The following ADCY9 variants were observed in gnomAD, a reference collection of about 807,000 sequenced individuals.
ADCY9 encodes the protein adenylate cyclase type 9.
Under a neutral mutation model 101.5 loss-of-function variants are expected in ADCY9, and 50 were observed. The observed-to-expected ratio is 0.49, with a 90% CI of 0.39 to 0.62. The LOEUF is 0.62. Ranked by LOEUF, ADCY9 falls within the 20% of genes least tolerant of loss-of-function variation. ADCY9 has a pLI of 0.00. For missense variants in ADCY9, 1,662 were observed against 1,800.4 expected (o/e 0.92, Z 1.39); for synonymous variants, 905 against 769.3 (o/e 1.18, Z -2.92).
rs535987186 is a variant in ADCY9, at chr16:4,044,454, T to C, written c.1694-36896A>G. Reference sequence around the variant, plus strand: ...GACGGAGCCATTTTCTTCCAGGCTATTTACCAAACACAGCAAAGGAAATCA... The same window carrying C: ...GACGGAGCCATTTTCTTCCAGGCTACTTACCAAACACAGCAAAGGAAATCA... On this transcript the variant is annotated intron_variant, in intron 2 of 10. Transcript: ENST00000294016. 2.6e-5 allele frequency among the ~76,000 whole-genome samples: 4 copies of C among 152,300 alleles called. No individual in the cohort carries two copies. In the South Asian group the frequency reaches 8.3e-4, roughly 32 times the overall value.
intron 10 of ADCY9, among the ~76,000 whole-genome samples, chr16:3,971,936 AG>A (rs1169379219): frequency 6.6e-6 from 1 of 152,200 alleles, no homozygotes; most frequent in African/African-American, 2.4e-5. Flanking sequence ...AGGCCCCTCC[AG>A]GCAGAGGAGG....
chr16:4,061,691 AC>A (rs1270920427), intron 2 of ADCY9, among the ~76,000 whole-genome samples: 1 of 152,186 alleles, frequency 6.6e-6, no homozygotes, highest in African/African-American at 2.4e-5. Context: ...TTACTGGCAG[AC>A]CCTACTTACA....
chr16:4,113,663 C>T, intron 2 of ADCY9, 87 bp downstream of exon 2: 1 of 1,503,576 alleles, frequency 6.7e-7, no homozygotes, highest in South Asian at 1.3e-5. Flanking sequence ...GAGCTGTCTG[C>T]AGACACTGAG....
At chr16:4,083,884 G>A (rs778430003) in intron 2 of ADCY9, among the ~76,000 whole-genome samples, 2 of 152,104 alleles carry the variant, frequency 1.3e-5, no homozygotes, top group Non-Finnish European at 2.9e-5. Context: ...GGTGTGCCGG[G>A]CTTCTCTGTC....
intron 2 of ADCY9, among the ~76,000 whole-genome samples, chr16:4,045,155 C>T (rs891882005): frequency 6.6e-6 from 1 of 150,388 alleles, no homozygotes. Flanking sequence ...GTTTTTTAAA[C>T]TCCTTTTACT....
chr16:3,961,320 G>T (rs536694099), downstream of ADCY9, among the ~76,000 whole-genome samples: 1 of 151,842 alleles, frequency 6.6e-6, no homozygotes, highest in Admixed American at 6.6e-5. Flanking sequence ...ATGGTGTTGC[G>T]CACCTGTAGT....
intron 2 of ADCY9, among the ~76,000 whole-genome samples, chr16:4,009,882 C>T (rs2056392095): frequency 6.6e-6 from 1 of 152,178 alleles, no homozygotes; most frequent in African/African-American, 2.4e-5. Context: ...GGAGGCCTGT[C>T]CTGGGGCTGC....
intron 2 of ADCY9, among the ~76,000 whole-genome samples, chr16:4,033,453 G>A (rs1055626702): frequency 8.5e-5 from 8 of 93,700 alleles, no homozygotes; most frequent in Admixed American, 4.5e-4. Context: ...TTTTTTTTTT[G>A]AGACGGAGTC....
chr16:4,042,052 T>C (rs113160728), intron 2 of ADCY9, among the ~76,000 whole-genome samples: 4,975 of 151,324 alleles, frequency 0.033, 287 homozygotes, highest in African/African-American at 0.11. Flanking sequence ...TCCTCCTGAG[T>C]AGCTGGGACT....
At chr16:3,983,756 C>A (rs1416473123) in intron 6 of ADCY9, 2 of 340,902 alleles carry the variant, frequency 5.9e-6, no homozygotes, top group African/African-American at 2.1e-5. Flanking sequence ...GAGACTCCAT[C>A]TCTACAAAAA....
chr16:4,017,119 G>A (rs2056444006), intron 2 of ADCY9, among the ~76,000 whole-genome samples: 1 of 151,122 alleles, frequency 6.6e-6, no homozygotes, highest in Non-Finnish European at 1.5e-5. Context: ...AGCTATGACT[G>A]TGTCACTATG....
At chr16:3,954,849 A>C (rs529659816) in intron 5 of ADCY9, among the ~76,000 whole-genome samples, 1 of 152,168 alleles carries the variant, frequency 6.6e-6, no homozygotes, top group African/African-American at 2.4e-5. Context: ...GAACACAGCC[A>C]ACTCTTTTGG....
chr16:3,983,722 A>G (rs2056166423), intron 6 of ADCY9: 2 of 463,208 alleles, frequency 4.3e-6, no homozygotes, highest in South Asian at 5.8e-5. Flanking sequence ...GGAGCCCAGG[A>G]GTTCCCGGCC....
At position 4,049,504 on chromosome 16, in the gene ADCY9, T is replaced by C. The variant is rs576440123; in HGVS notation, c.1694-41946A>G. ...TTGGCCAGATTATCCTTAAAAAGTC[T>C]CTGGAATGTCACCTTCAGTCTCTGT... On this transcript the variant is annotated intron_variant, in intron 2 of 10. Coordinates refer to ENST00000294016, the MANE Select transcript of ADCY9 (RefSeq NM_001116.4). Among the ~76,000 whole-genome samples, 56 of 152,306 alleles carry C rather than the reference T, an allele frequency of 3.7e-4. 1 individual carries two copies. The highest frequency in any genetic ancestry group is 1.3e-3 in the African/African-American group (55 of 41,570).
chr16:4,102,860 T>A (rs2057052427), intron 2 of ADCY9, among the ~76,000 whole-genome samples: 1 of 151,714 alleles, frequency 6.6e-6, no homozygotes, highest in African/African-American at 2.4e-5. Flanking sequence ...TAGCTGGGAT[T>A]ACAGGTGCCC....
chr16:4,045,594 TAAAA>T (rs545715002), intron 2 of ADCY9, among the ~76,000 whole-genome samples: 34 of 64,966 alleles, frequency 5.2e-4, no homozygotes, highest in African/African-American at 1.9e-3. Context: ...GACTCTGCCT[TAAAA>T]AAAAAAAAAA....
chr16:4,107,315 C>T (rs2057083298), intron 2 of ADCY9, among the ~76,000 whole-genome samples: 2 of 152,108 alleles, frequency 1.3e-5, no homozygotes, highest in Admixed American at 6.6e-5. Context: ...CTTTGGGAGG[C>T]TGAGGCTGGT....
chr16:4,082,748 A>G (rs1437149883), intron 2 of ADCY9, among the ~76,000 whole-genome samples: 1 of 152,064 alleles, frequency 6.6e-6, no homozygotes, highest in East Asian at 1.9e-4. Context: ...GCATGGACGC[A>G]CACGCACACA....
chr16:3,975,043 C>T (rs1047275299), intron 9 of ADCY9, among the ~76,000 whole-genome samples: 1 of 152,214 alleles, frequency 6.6e-6, no homozygotes, highest in African/African-American at 2.4e-5. Flanking sequence ...ATCCCTACCC[C>T]AGATCTGCTA....
Sources: gnomAD v4.1 joint callset for allele counts (sites outside exome capture counted in the v4.1 genomes callset) on GRCh38, gnomAD v4.1.1 for gene constraint, MANE v1.5 for transcripts, NCBI Gene and HGNC (gene_info 2026-07-23, HGNC 2026-07-21) for gene names.